Variants in BAZ2B observed in about 807,000 individuals in gnomAD.
BAZ2B encodes bromodomain adjacent to zinc finger domain 2B, also known as bromodomain adjacent to zinc finger domain protein 2B.
BAZ2B carries 91 observed loss-of-function variants against 246.0 expected under a neutral mutation model. The ratio of observed to expected loss-of-function variants is 0.37; its 90% CI spans 0.31 to 0.44. The LOEUF is 0.44. BAZ2B is among the 20% of genes least tolerant of loss of function. The pLI, the probability that BAZ2B is intolerant of heterozygous loss-of-function variation, is 1.00. For missense variants in BAZ2B, 2,332 were observed against 2,533.7 expected, an observed-to-expected ratio of 0.92 and a Z score of 1.71; for synonymous variants, 855 against 860.0, an observed-to-expected ratio of 0.99 and a Z score of 0.10.
chr2:159,397,280 C>G (rs1220329652), intron 19 of BAZ2B, 65 bp downstream of exon 19: 1 of 1,345,376 alleles, frequency 7.4e-7, no homozygotes, highest in Admixed American at 2.3e-5. Context: ...GATTTTCCCC[C>G]AAATAGGTTT....
At chr2:159,465,526 A>G (rs1156339779) in intron 3 of BAZ2B, among the ~76,000 whole-genome samples, 2 of 152,210 alleles carry the variant, frequency 1.3e-5, no homozygotes, top group Non-Finnish European at 2.9e-5. Context: ...TTAAAACTAC[A>G]AAGTTCTACT....
At chr2:159,508,895 T>C (rs1367272348) in intron 2 of BAZ2B, among the ~76,000 whole-genome samples, 1 of 152,180 alleles carries the variant, frequency 6.6e-6, no homozygotes, top group Non-Finnish European at 1.5e-5. Context: ...ATATCCCTCT[T>C]AGGGAAACTT....
the BAZ2B span, among the ~76,000 whole-genome samples, chr2:159,708,889 G>A: frequency 2.0e-5 from 3 of 151,966 alleles, no homozygotes; most frequent in Admixed American, 6.6e-5. Flanking sequence ...ACTGGCTTGG[G>A]GAATTGAAAG....
intron 2 of BAZ2B, among the ~76,000 whole-genome samples, chr2:159,496,770 G>T (rs369604542): frequency 3.3e-4 from 38 of 113,632 alleles, no homozygotes; most frequent in African/African-American, 1.3e-3. Context: ...GCAACAAGAG[G>T]GAAACTCCGT....
At chr2:159,344,508 C>A (rs1370608679) in intron 31 of BAZ2B, among the ~76,000 whole-genome samples, 1 of 140,966 alleles carries the variant, frequency 7.1e-6, no homozygotes, top group Non-Finnish European at 1.5e-5. Context: ...AACTCCAGCC[C>A]GGGCAACAAG....
the BAZ2B span, among the ~76,000 whole-genome samples, chr2:159,630,013 T>TA: frequency 1.1e-4 from 17 of 152,104 alleles, 1 homozygote; most frequent in Admixed American, 7.9e-4. Flanking sequence ...TTAAAACCTT[T>TA]AAAAAAACAT....
intron 2 of BAZ2B, among the ~76,000 whole-genome samples, chr2:159,530,438 T>C (rs1398266339): frequency 2.0e-5 from 3 of 152,194 alleles, no homozygotes. Context: ...TCAAAATATC[T>C]CAGTATATCT....
chr2:159,431,056 T>G lies in BAZ2B; in HGVS notation c.2001A>C (p.Lys667Asn), dbSNP rs767685280. 1.9e-6 allele frequency: 3 copies of G among 1,613,938 alleles called. No individual in the cohort carries two copies. Among genetic ancestry groups the G allele is most frequent in the South Asian group, 2.2e-5 (2 of 91,090 alleles). Reference sequence around the variant, plus strand: ...TTGTTTTATTCAGTTTCATTGAAGTTTTCTCTCCTTCAGTATCACTATCTG... The same window carrying G: ...TTGTTTTATTCAGTTTCATTGAAGTGTTCTCTCCTTCAGTATCACTATCTG... ...DESDSDTEGE[K>N]TSMKLNKTTS... The change falls in exon 10 of 37, where the codon AAA becomes AAC. Residue 667 changes from lysine to asparagine, a missense_variant. This residue lies in a region of BAZ2B where 651 missense variants were observed against 650.9 expected (regional missense o/e 1.00). Coordinates refer to ENST00000392783, the MANE Select transcript of BAZ2B (RefSeq NM_013450.4).
intron 2 of BAZ2B, among the ~76,000 whole-genome samples, chr2:159,494,302 A>G (rs1337470607): frequency 6.6e-6 from 1 of 152,184 alleles, no homozygotes; most frequent in Non-Finnish European, 1.5e-5. Flanking sequence ...ACTCTCAGAG[A>G]TATTTGAAAA....
At chr2:159,358,241 T>C (rs1314431052) in intron 27 of BAZ2B, among the ~76,000 whole-genome samples, 1 of 152,098 alleles carries the variant, frequency 6.6e-6, no homozygotes. Flanking sequence ...AAGACACACA[T>C]AGGCTCAAAA....
intron 13 of BAZ2B, among the ~76,000 whole-genome samples, chr2:159,424,469 T>C (rs142794376): frequency 7.3e-4 from 111 of 152,282 alleles, no homozygotes; most frequent in African/African-American, 2.6e-3. Flanking sequence ...TAGCAGAAAG[T>C]ATTATCTCCT....
chr2:159,640,422 A>G, the BAZ2B span, among the ~76,000 whole-genome samples: 1 of 152,142 alleles, frequency 6.6e-6, no homozygotes, highest in African/African-American at 2.4e-5. Flanking sequence ...CATATGAATC[A>G]TTCTCAAGGA....
chr2:159,519,932 C>T (rs1370591565), intron 2 of BAZ2B, among the ~76,000 whole-genome samples: 1 of 151,530 alleles, frequency 6.6e-6, no homozygotes, highest in Non-Finnish European at 1.5e-5. Flanking sequence ...TAATCCTCCC[C>T]AGTTTGGTAT....
intron 27 of BAZ2B, among the ~76,000 whole-genome samples, chr2:159,366,554 T>C (rs1559127240): frequency 6.6e-6 from 1 of 152,236 alleles, no homozygotes; most frequent in Non-Finnish European, 1.5e-5. Flanking sequence ...TTCATTACTT[T>C]GTACAAGGGC....
At chr2:159,609,209 C>T (rs1458411818) in intron 1 of BAZ2B, among the ~76,000 whole-genome samples, 1 of 152,108 alleles carries the variant, frequency 6.6e-6, no homozygotes, top group Non-Finnish European at 1.5e-5. Context: ...TTACCAATAC[C>T]ACCTAAATAC....
intron 8 of BAZ2B, among the ~76,000 whole-genome samples, chr2:159,436,220 C>G (rs2072266765): frequency 6.6e-6 from 1 of 151,912 alleles, no homozygotes; most frequent in African/African-American, 2.4e-5. Context: ...AACAAAAGTC[C>G]CTTTAGTATT....
intron 35 of BAZ2B, among the ~76,000 whole-genome samples, chr2:159,325,186 A>T (rs1429068791): frequency 1.5e-5 from 2 of 134,198 alleles, no homozygotes; most frequent in Non-Finnish European, 3.2e-5. Flanking sequence ...ACTGGAGCAC[A>T]GTGGCACCAT....
chr2:159,642,656 G>T, the BAZ2B span, among the ~76,000 whole-genome samples: 5 of 152,034 alleles, frequency 3.3e-5, no homozygotes, highest in Admixed American at 2.6e-4. Flanking sequence ...AATGAAAAAA[G>T]ATTACAACTA....
At chr2:159,337,220 T>C in intron 32 of BAZ2B, 143 bp from the exon 33 acceptor site, 1 of 1,137,516 alleles carries the variant, frequency 8.8e-7, no homozygotes, top group South Asian at 1.5e-5. Context: ...CTAAATTTGA[T>C]GTAGTGCACA....
Sources: gnomAD v4.1 joint callset for allele counts (sites outside exome capture counted in the v4.1 genomes callset) on GRCh38, gnomAD v4.1.1 for gene constraint, gnomAD v4.1.1 regional missense constraint, MANE v1.5 for transcripts, NCBI Gene and HGNC (gene_info 2026-07-23, HGNC 2026-07-21) for gene names.